Variants in BPNT2 observed in about 807,000 individuals in gnomAD.
The protein encoded by BPNT2 is 3'(2'), 5'-bisphosphate nucleotidase 2, also known as Golgi-resident adenosine 3',5'-bisphosphate 3'-phosphatase.
Under a neutral mutation model 29.3 loss-of-function variants are expected in BPNT2, and 11 were observed. The observed-to-expected ratio is 0.38, with a 90% CI of 0.24 to 0.62. The LOEUF (loss-of-function observed/expected upper bound fraction) is 0.62, where lower values mean the gene tolerates loss of function less well. Ranked by LOEUF, BPNT2 falls within the 20% of genes least tolerant of loss-of-function variation. The probability of loss-of-function intolerance (pLI) is 0.62; values close to 1 mark genes in which losing one functional copy is unlikely to be tolerated. For missense variants in BPNT2, 459 were observed against 473.4 expected (o/e 0.97, Z 0.28); for synonymous variants, 195 against 187.7 (o/e 1.04, Z -0.32).
At chr8:56,970,734 A>C (rs1462911076) in intron 3 of BPNT2, among the ~76,000 whole-genome samples, 29 of 152,188 alleles carry the variant, frequency 1.9e-4, no homozygotes, top group Admixed American at 1.8e-3. Flanking sequence ...TAAGGGTAAA[A>C]TGTTTATTAT....
chr8:56,966,765 A>C (rs543234167), intron 3 of BPNT2, among the ~76,000 whole-genome samples: 20 of 152,284 alleles, frequency 1.3e-4, no homozygotes, highest in Non-Finnish European at 2.6e-4. Context: ...TCCAAGTCTG[A>C]TTCCTGGAGA....
Position 56,963,986 on chromosome 8 carries a change from A to T in BPNT2, c.887T>A (p.Ile296Asn). ...ACCAGCACATATATCCCACTTTTTG[A>T]TGTATGTCACATGGATGTATAAATC... ...KADLYIHVTY[I>N]KKWDICAGNA... The change falls in exon 5 of 5, where the codon ATC becomes AAC. Residue 296 changes from isoleucine to asparagine, a missense_variant. Coordinates refer to ENST00000262644, the MANE Select transcript of BPNT2 (RefSeq NM_017813.5). 1 of 1,613,182 alleles carries T rather than the reference A, an allele frequency of 6.2e-7. No individual in the cohort carries two copies. The highest frequency in any genetic ancestry group is 8.5e-7 in the Non-Finnish European group (1 of 1,179,462).
rs1455830835 is a variant in BPNT2, at chr8:56,962,239, T to C, written c.*1554A>G. ...AGATTGGGTGAAAACATTTGTGTCATATTAGATTCAGTTTACTAATAAGAA... is the reference window on the plus strand; with the variant it reads ...AGATTGGGTGAAAACATTTGTGTCACATTAGATTCAGTTTACTAATAAGAA... On this transcript the variant is annotated 3_prime_UTR_variant, in exon 5 of 5. Coordinates refer to ENST00000262644, the MANE Select transcript of BPNT2 (RefSeq NM_017813.5). 3 of 152,248 alleles carry C rather than the reference T, an allele frequency of 2.0e-5. No individual in the cohort carries two copies. Among genetic ancestry groups the C allele is most frequent in the Non-Finnish European group, 4.4e-5 (3 of 68,042 alleles). The allele number at this position is 152,248 out of a possible 1,614,324, so 9.4% of individuals were successfully genotyped here. A position where few individuals can be genotyped will look rare whatever the true frequency, so the allele number is the denominator to read the frequency against.
intron 3 of BPNT2, among the ~76,000 whole-genome samples, chr8:56,967,875 C>T (rs1805976041): frequency 6.6e-6 from 1 of 152,256 alleles, no homozygotes; most frequent in East Asian, 1.9e-4. Context: ...GCCTTTCCCA[C>T]ACTAACAGAA....
intron 1 of BPNT2, among the ~76,000 whole-genome samples, chr8:56,989,490 G>C (rs1317940625): frequency 5.3e-5 from 8 of 152,026 alleles, no homozygotes; most frequent in Non-Finnish European, 7.4e-5. Flanking sequence ...TTGTTGTGAA[G>C]ATAAAATTAA....
chr8:56,968,577 G>A (rs887626989), intron 3 of BPNT2, among the ~76,000 whole-genome samples: 5 of 152,144 alleles, frequency 3.3e-5, no homozygotes, highest in Admixed American at 6.5e-5. Context: ...GGCCAAGGTC[G>A]GAGGATCACT....
rs73603815 is a variant in BPNT2 at position 56,980,932 on chromosome 8, G to A, written c.388-735C>T. On this transcript the variant is annotated intron_variant, in intron 1 of 4. Transcript: ENST00000262644. The stretch of plus-strand genomic sequence containing the variant: ...CTACATATAACATATATATACATGT[G>A]TTTGTATAATACTTTATGTAAGTAT... 5.2e-3 allele frequency among the ~76,000 whole-genome samples: 777 copies of A among 150,716 alleles called. 6 individuals are homozygous for A. The highest frequency in any genetic ancestry group is 0.017 in the African/African-American group (715 of 41,068).
At chr8:56,991,436 C>T (rs908273610) in intron 1 of BPNT2, among the ~76,000 whole-genome samples, 3 of 152,196 alleles carry the variant, frequency 2.0e-5, no homozygotes, top group Non-Finnish European at 4.4e-5. Context: ...AATGCACACA[C>T]ATACAGATGT....
intron 1 of BPNT2, among the ~76,000 whole-genome samples, chr8:56,987,429 C>A (rs1458222581): frequency 6.6e-6 from 1 of 152,146 alleles, no homozygotes; most frequent in Non-Finnish European, 1.5e-5. Context: ...GTGAATAGAA[C>A]AAAAGGAGGG....
intron 3 of BPNT2, chr8:56,966,989 G>A (rs1374996256): frequency 8.5e-6 from 3 of 352,518 alleles, no homozygotes; most frequent in African/African-American, 6.4e-5. Context: ...AAAAGCCTTA[G>A]ATTTCAAAAT....
At chr8:56,968,885 G>T (rs1715102410) in intron 3 of BPNT2, among the ~76,000 whole-genome samples, 1 of 152,208 alleles carries the variant, frequency 6.6e-6, no homozygotes, top group African/African-American at 2.4e-5. Context: ...CTTTGCAAAT[G>T]CAATTAGTTC....
At chr8:56,972,191 G>A (rs1806048521) in intron 3 of BPNT2, among the ~76,000 whole-genome samples, 1 of 152,046 alleles carries the variant, frequency 6.6e-6, no homozygotes, top group South Asian at 2.1e-4. Context: ...GATCTTTTGT[G>A]GGTTTTGCAT....
At chr8:56,979,940 C>T in intron 2 of BPNT2, 95 bp downstream of exon 2, 1 of 1,145,900 alleles carries the variant, frequency 8.7e-7, no homozygotes, top group Non-Finnish European at 1.3e-6. Context: ...ACTGAACAAT[C>T]AGTGAGCCAC....
intron 3 of BPNT2, among the ~76,000 whole-genome samples, chr8:56,970,587 T>C (rs1156688575): frequency 3.9e-5 from 6 of 152,176 alleles, no homozygotes; most frequent in Admixed American, 3.9e-4. Flanking sequence ...AGCAATCAGC[T>C]GTAAAATCCA....
Position 56,959,448 on chromosome 8 carries a change from T to C in BPNT2, c.*4345A>G, listed in dbSNP as rs552306119. The C allele has an allele frequency of 3.9e-5, 6 of 152,324 alleles. No homozygotes were observed. The highest frequency in any genetic ancestry group is 1.4e-4 in the African/African-American group (6 of 41,578). 9.4% of individuals were successfully genotyped at this position (152,324 alleles called of 1,614,324 possible). A position where few individuals can be genotyped will look rare whatever the true frequency, so the allele number is the denominator to read the frequency against. Reference sequence around the variant, plus strand: ...TTGCCCTCTCAGAACTGCCAATCAATTAGAATCCTCTCCCCCAGGAACTGT... The same window carrying C: ...TTGCCCTCTCAGAACTGCCAATCAACTAGAATCCTCTCCCCCAGGAACTGT... On this transcript the variant is annotated 3_prime_UTR_variant, in exon 5 of 5. Coordinates refer to ENST00000262644, the MANE Select transcript of BPNT2 (RefSeq NM_017813.5).
intron 3 of BPNT2, chr8:56,967,358 T>A: frequency 2.4e-6 from 1 of 414,988 alleles, no homozygotes; most frequent in Non-Finnish European, 4.8e-6. Context: ...GAAATACCCA[T>A]GCTCTGTACC....
At chr8:56,972,073 G>C (rs145026013) in intron 3 of BPNT2, among the ~76,000 whole-genome samples, 1 of 151,074 alleles carries the variant, frequency 6.6e-6, no homozygotes, top group Non-Finnish European at 1.5e-5. Context: ...CCAGCCGAGC[G>C]AGACTCCGTC....
intron 2 of BPNT2, among the ~76,000 whole-genome samples, chr8:56,978,706 T>C (rs1189369981): frequency 1.3e-5 from 2 of 150,964 alleles, no homozygotes; most frequent in African/African-American, 4.9e-5. Context: ...TGCAATACTA[T>C]GCAGCCATAA....
Position 56,959,907 on chromosome 8 carries a change from T to C in BPNT2, c.*3886A>G, listed in dbSNP as rs2129202653. 6.6e-6 allele frequency: 1 copy of C among 152,346 alleles called. No individual in the cohort carries two copies. The highest frequency in any genetic ancestry group is 2.4e-5 in the African/African-American group (1 of 41,580). 9.4% of individuals were successfully genotyped at this position (152,346 alleles called of 1,614,324 possible). On this transcript the variant is annotated 3_prime_UTR_variant, in exon 5 of 5. Transcript: ENST00000262644. ...CTTATTAACATACAATGCCCTATTG[T>C]TAAGGCACAACTTTTTTTAGATTAA...
Sources: gnomAD v4.1 joint callset for allele counts (sites outside exome capture counted in the v4.1 genomes callset) on GRCh38, gnomAD v4.1.1 for gene constraint, MANE v1.5 for transcripts, NCBI Gene and HGNC (gene_info 2026-07-23, HGNC 2026-07-21) for gene names.